Variants in VAV3 observed in about 807,000 individuals in gnomAD.
VAV3 encodes the protein vav guanine nucleotide exchange factor 3, also known as guanine nucleotide exchange factor VAV3.
In VAV3, 94 loss-of-function variants were observed where a neutral mutation model predicts 131.2. That is an observed-to-expected ratio of 0.72 (90% CI 0.61 to 0.85). The LOEUF (loss-of-function observed/expected upper bound fraction) is 0.85, where lower values mean the gene tolerates loss of function less well. Ranked by LOEUF, VAV3 falls within the 40% of genes least tolerant of loss-of-function variation. VAV3 has a pLI of 0.00. For synonymous variants in VAV3, 349 were observed against 342.0 expected (o/e 1.02, Z -0.22); for missense variants, 939 against 1,002.7 (o/e 0.94, Z 0.86).
At chr1:107,790,734 C>T (rs1436935902) in intron 2 of VAV3, among the ~76,000 whole-genome samples, 1 of 116,982 alleles carries the variant, frequency 8.5e-6, no homozygotes. Flanking sequence ...GTCACCAAGG[C>T]TGGAGTACAG....
At chr1:107,602,369 A>T in intron 24 of VAV3, 28 bp downstream of exon 24, 1 of 1,446,990 alleles carries the variant, frequency 6.9e-7, no homozygotes, top group Non-Finnish European at 9.3e-7. Flanking sequence ...TAAGGATCCC[A>T]GATTGAAAAG....
intron 2 of VAV3, among the ~76,000 whole-genome samples, chr1:107,806,407 A>G (rs1044663065): frequency 6.8e-6 from 1 of 148,024 alleles, no homozygotes; most frequent in African/African-American, 2.5e-5. Context: ...CCTCATACTG[A>G]GTTCTGGGAT....
intron 2 of VAV3, among the ~76,000 whole-genome samples, chr1:107,829,500 C>G (rs1668154806): frequency 6.6e-6 from 1 of 152,088 alleles, no homozygotes; most frequent in Non-Finnish European, 1.5e-5. Context: ...GCATAAAGTA[C>G]ACCATTAAGT....
Position 107,572,786 on chromosome 1 carries a change from G to A in VAV3, c.*545C>T, listed in dbSNP as rs1649348976. 6.5e-6 allele frequency: 1 copy of A among 152,956 alleles called. No individual in the cohort carries two copies. The highest frequency in any genetic ancestry group is 1.5e-5 in the Non-Finnish European group (1 of 68,324). 9.5% of individuals were successfully genotyped at this position (152,956 alleles called of 1,614,324 possible). A position where few individuals can be genotyped will look rare whatever the true frequency, so the allele number is the denominator to read the frequency against. On this transcript the variant is annotated 3_prime_UTR_variant, in exon 27 of 27. Coordinates refer to ENST00000370056, the MANE Select transcript of VAV3 (RefSeq NM_006113.5). ...TCATGAGTAACATCTGAGGGTAAAA[G>A]TGTTTGCCGGGCAATGAGTCACCTT...
At chr1:107,732,868 C>T (rs1421022948) in intron 15 of VAV3, among the ~76,000 whole-genome samples, 3 of 152,120 alleles carry the variant, frequency 2.0e-5, no homozygotes, top group South Asian at 2.1e-4. Context: ...GTGGTTCTCC[C>T]GGCATGGTGT....
At chr1:107,673,937 T>G (rs182435869) in intron 19 of VAV3, among the ~76,000 whole-genome samples, 11 of 152,302 alleles carry the variant, frequency 7.2e-5, no homozygotes, top group Non-Finnish European at 1.6e-4. Flanking sequence ...CTTTACAAAA[T>G]GCAAAACTCT....
intron 15 of VAV3, among the ~76,000 whole-genome samples, chr1:107,709,288 A>C (rs1660635178): frequency 6.6e-6 from 1 of 152,166 alleles, no homozygotes; most frequent in African/African-American, 2.4e-5. Context: ...CAGGAAAATT[A>C]ATGCTAGATA....
chr1:107,748,875 T>C (rs1401821145), intron 15 of VAV3, 93 bp downstream of exon 15: 1 of 953,680 alleles, frequency 1.0e-6, no homozygotes, highest in African/African-American at 1.7e-5. Flanking sequence ...TTATACATGC[T>C]ACAAGCATTA....
At chr1:107,726,744 T>G (rs1223576481) in intron 15 of VAV3, among the ~76,000 whole-genome samples, 1 of 152,220 alleles carries the variant, frequency 6.6e-6, no homozygotes, top group Non-Finnish European at 1.5e-5. Context: ...TATAATGAAA[T>G]TGATTAAATA....
At position 107,770,636 on chromosome 1, in the gene VAV3, C is replaced by T. The variant is rs6583048; in HGVS notation, c.648G>A (p.Lys216=). The change falls in exon 6 of 27, where the codon AAG becomes AAA. Residue 216 remains lysine, a splice_region_variant and synonymous_variant. Coordinates refer to ENST00000370056, the MANE Select transcript of VAV3 (RefSeq NM_006113.5). The stretch of plus-strand genomic sequence containing the variant: ...TCAAAAATAATACCTGATGACTTAC[C>T]TTTTCTATTGACTCCAAAGTTTCTG... ...KYTETLESIE[K]YFMAPLKRFL... The T allele has an allele frequency of 0.77, 1,222,034 of 1,596,162 alleles. 471,510 individuals are homozygous for T. Among genetic ancestry groups the T allele is most frequent in the Non-Finnish European group, 0.79 (924,937 of 1,165,476 alleles).
At chr1:107,807,920 T>C (rs141473876) in intron 2 of VAV3, among the ~76,000 whole-genome samples, 6 of 152,322 alleles carry the variant, frequency 3.9e-5, no homozygotes, top group African/African-American at 1.2e-4. Flanking sequence ...AAGAAACTTG[T>C]ACATTTACAA....
chr1:107,926,127 C>T (rs1180825920), intron 1 of VAV3, among the ~76,000 whole-genome samples: 1 of 151,792 alleles, frequency 6.6e-6, no homozygotes, highest in Non-Finnish European at 1.5e-5. Context: ...TAAAAAAATA[C>T]AAAAATTAGC....
At chr1:107,943,526 C>T (rs1019092541) in intron 1 of VAV3, among the ~76,000 whole-genome samples, 3 of 152,100 alleles carry the variant, frequency 2.0e-5, no homozygotes, top group African/African-American at 4.8e-5. Flanking sequence ...ACACACATCA[C>T]GAGGTCAAGA....
In VAV3 at chr1:107,760,895, A is replaced by T; in HGVS notation, c.922-16T>A. 6.3e-7 allele frequency: 1 copy of T among 1,593,822 alleles called. No homozygotes were observed. The highest frequency in any genetic ancestry group is 8.6e-7 in the Non-Finnish European group (1 of 1,162,484). On this transcript the variant is annotated splice_polypyrimidine_tract_variant and intron_variant, in intron 9 of 26. Coordinates refer to ENST00000370056, the MANE Select transcript of VAV3 (RefSeq NM_006113.5). ...TGGAACATTCCTAATGAAATGTTTT[A>T]AAAACACTTTGTTAGGGAGTCATAA...
chr1:107,834,734 G>T (rs1557873230), intron 2 of VAV3, among the ~76,000 whole-genome samples: 1 of 152,014 alleles, frequency 6.6e-6, no homozygotes, highest in East Asian at 1.9e-4. Context: ...AGTCAATAGA[G>T]AGGCAATGCA....
chr1:107,952,624 A>C (rs760973324), intron 1 of VAV3, among the ~76,000 whole-genome samples: 4 of 151,804 alleles, frequency 2.6e-5, no homozygotes, highest in Admixed American at 1.3e-4. Flanking sequence ...CCAGAAAAGC[A>C]TTACCCACCT....
intron 2 of VAV3, among the ~76,000 whole-genome samples, chr1:107,808,220 C>A (rs150440728): frequency 6.6e-6 from 1 of 152,102 alleles, no homozygotes; most frequent in African/African-American, 2.4e-5. Context: ...CTAAGAAATG[C>A]TAATGCTTAG....
At chr1:107,810,055 T>C (rs1054374003) in intron 2 of VAV3, among the ~76,000 whole-genome samples, 1 of 152,192 alleles carries the variant, frequency 6.6e-6, no homozygotes, top group Admixed American at 6.5e-5. Flanking sequence ...TGAAATAATT[T>C]CTTCCTTTTT....
chr1:107,932,499 G>T (rs1353258440), intron 1 of VAV3, among the ~76,000 whole-genome samples: 1 of 152,186 alleles, frequency 6.6e-6, no homozygotes, highest in Non-Finnish European at 1.5e-5. Flanking sequence ...GCTCCATAGG[G>T]TCTATGCTGC....
Sources: allele counts gnomAD v4.1 joint callset (sites outside exome capture counted in the v4.1 genomes callset), GRCh38; gene constraint gnomAD v4.1.1; transcripts MANE v1.5; gene names NCBI Gene and HGNC (gene_info 2026-07-23, HGNC 2026-07-21).